Variants in KLHL28 observed in about 807,000 individuals in gnomAD.
KLHL28 encodes the protein kelch-like protein 28.
Under a neutral mutation model 48.3 loss-of-function variants are expected in KLHL28, and 22 were observed. The observed-to-expected ratio is 0.46, with a 90% CI of 0.33 to 0.65. The LOEUF (loss-of-function observed/expected upper bound fraction) is 0.65. Ranked by LOEUF, KLHL28 falls within the 30% of genes least tolerant of loss-of-function variation. The pLI is 0.03. For missense variants in KLHL28, 527 were observed against 704.3 expected, an observed-to-expected ratio of 0.75 and a Z score of 2.85; for synonymous variants, 243 against 242.4, an observed-to-expected ratio of 1.00 and a Z score of -0.02.
At chr14:44,961,294 G>T (rs1361809462) in intron 1 of KLHL28, among the ~76,000 whole-genome samples, 1 of 152,124 alleles carries the variant, frequency 6.6e-6, no homozygotes, top group South Asian at 2.1e-4. Context: ...AGGCTAGGGC[G>T]GCAGACGGAG....
At chr14:44,945,977 C>A in intron 1 of KLHL28, 49 bp from the exon 2 acceptor site, 3 of 1,418,634 alleles carry the variant, frequency 2.1e-6, no homozygotes, top group South Asian at 2.5e-5. Flanking sequence ...GTAAACTTGT[C>A]AAAAACACTG....
At chr14:44,960,986 A>T (rs11157423) in intron 1 of KLHL28, 85,901 of 1,044,992 alleles carry the variant, frequency 0.082, 7,002 homozygotes, top group African/African-American at 0.37. Flanking sequence ...CAAAAGTAAT[A>T]GTATTATTCC....
chr14:44,960,746 G>A (rs1227834543), intron 1 of KLHL28: 1 of 113,150 alleles, frequency 8.8e-6, no homozygotes, highest in Middle Eastern at 2.3e-3. Context: ...AAACAAAACT[G>A]ATATTCAAAT....
chr14:44,961,180 T>C, intron 1 of KLHL28: 2 of 314,912 alleles, frequency 6.4e-6, no homozygotes, highest in Middle Eastern at 8.7e-4. Flanking sequence ...AGAATTCTCT[T>C]AGAACCATGA....
At chr14:44,935,294 G>C (rs1281339888) in intron 2 of KLHL28, among the ~76,000 whole-genome samples, 2 of 152,124 alleles carry the variant, frequency 1.3e-5, no homozygotes, top group Admixed American at 6.5e-5. Flanking sequence ...GTCACTTTTG[G>C]GGAGGACAAG....
chr14:44,948,975 A>G lies in KLHL28; in HGVS notation c.1-3047T>C, dbSNP rs150623925. ...GATTTAACAAGGAGAATGGTAGACT[A>G]AAAAGTGAAGGATGAACAACAGAAA... On this transcript the variant is annotated intron_variant, in intron 1 of 4. Coordinates refer to ENST00000396128, the MANE Select transcript of KLHL28 (RefSeq NM_017658.5). 5.2e-3 allele frequency among the ~76,000 whole-genome samples: 796 copies of G among 152,256 alleles called. 9 individuals carry two copies. The highest frequency in any genetic ancestry group is 0.018 in the African/African-American group (738 of 41,568).
At position 44,926,925 on chromosome 14, in the gene KLHL28, G is replaced by A. The variant is rs1883393887; in HGVS notation, c.*2103C>T. The A allele has an allele frequency of 6.6e-6, 1 of 152,514 alleles. No homozygotes were observed. Among genetic ancestry groups the A allele is most frequent in the South Asian group, 2.1e-4 (1 of 4,810 alleles). The allele number at this position is 152,514 out of a possible 1,614,324, so 9.4% of individuals were successfully genotyped here. A position where few individuals can be genotyped will look rare whatever the true frequency, so the allele number is the denominator to read the frequency against. ...GCTATAAACAAAGAAAACTGAATTG[G>A]GGATTTAAAACTAAATATGTGATGA... On this transcript the variant is annotated 3_prime_UTR_variant, in exon 5 of 5. Transcript: ENST00000396128.
chr14:44,926,857 G>A lies in KLHL28; in HGVS notation c.*2171C>T, dbSNP rs1883390674. ...AAATTCCCTTATCTTTTGGGAATAG[G>A]GGATTAAAAATAGTATAATAGGATA... is the stretch of plus-strand genomic sequence containing the variant. On this transcript the variant is annotated 3_prime_UTR_variant, in exon 5 of 5. Transcript: ENST00000396128. The A allele has an allele frequency of 6.6e-6, 1 of 152,158 alleles. No homozygotes were observed. The highest frequency in any genetic ancestry group is 6.6e-5 in the Admixed American group (1 of 15,256). 9.4% of individuals were successfully genotyped at this position (152,158 alleles called of 1,614,324 possible). A position where few individuals can be genotyped will look rare whatever the true frequency, so the allele number is the denominator to read the frequency against.
intron 1 of KLHL28, chr14:44,960,811 C>A (rs1170040891): frequency 1.1e-5 from 7 of 630,514 alleles, no homozygotes; most frequent in African/African-American, 2.0e-5. Context: ...CAGCTGGGAG[C>A]ATTATTTATA....
At position 44,927,334 on chromosome 14, in the gene KLHL28, T is replaced by C. The variant is rs1250625784; in HGVS notation, c.*1694A>G. 1 of 152,614 alleles carries C rather than the reference T, an allele frequency of 6.6e-6. No homozygotes were observed. The highest frequency in any genetic ancestry group is 2.4e-5 in the African/African-American group (1 of 41,472). The allele number at this position is 152,614 out of a possible 1,614,324, so 9.5% of individuals were successfully genotyped here. ...GTATTCAAGAAATAAACATATATAC[T>C]AACAAATGAACCTATGTTTTATAAT... On this transcript the variant is annotated 3_prime_UTR_variant, in exon 5 of 5. Coordinates refer to ENST00000396128, the MANE Select transcript of KLHL28 (RefSeq NM_017658.5).
At chr14:44,943,132 A>C (rs1008209538) in intron 2 of KLHL28, among the ~76,000 whole-genome samples, 5 of 152,222 alleles carry the variant, frequency 3.3e-5, no homozygotes, top group Admixed American at 1.3e-4. Flanking sequence ...TTATTCTTCA[A>C]TAATTTGTTA....
chr14:44,941,703 T>G (rs1884103653), intron 2 of KLHL28, among the ~76,000 whole-genome samples: 1 of 152,082 alleles, frequency 6.6e-6, no homozygotes. Context: ...ATGCCAAGTT[T>G]AAGAGCCACT....
intron 2 of KLHL28, among the ~76,000 whole-genome samples, chr14:44,942,066 C>T (rs574847046): frequency 6.6e-6 from 1 of 152,322 alleles, no homozygotes; most frequent in South Asian, 2.1e-4. Flanking sequence ...GCACTCATAT[C>T]CAGCTACCAT....
intron 2 of KLHL28, among the ~76,000 whole-genome samples, chr14:44,941,520 C>T (rs1884083803): frequency 6.6e-6 from 1 of 150,544 alleles, no homozygotes; most frequent in African/African-American, 2.5e-5. Flanking sequence ...CCCAGCTACT[C>T]GGGAGGCTGA....
intron 2 of KLHL28, among the ~76,000 whole-genome samples, chr14:44,934,829 T>G (rs1180967288): frequency 6.6e-6 from 1 of 152,226 alleles, no homozygotes; most frequent in Non-Finnish European, 1.5e-5. Context: ...TGAAGATACA[T>G]GTGTCCTGAC....
At position 44,927,192 on chromosome 14, in the gene KLHL28, T is replaced by C. The variant is rs1032048828; in HGVS notation, c.*1836A>G. On this transcript the variant is annotated 3_prime_UTR_variant, in exon 5 of 5. Transcript: ENST00000396128. ...GTTTTATAATCTGTGCAAATATTCA[T>C]AAAGCATGATACTACATTTATGATT... The C allele has an allele frequency of 5.2e-5, 8 of 152,606 alleles. No homozygotes were observed. Among genetic ancestry groups the C allele is most frequent in the Non-Finnish European group, 7.4e-5 (5 of 68,010 alleles). The allele number at this position is 152,606 out of a possible 1,614,324, so 9.5% of individuals were successfully genotyped here.
intron 2 of KLHL28, among the ~76,000 whole-genome samples, chr14:44,943,944 G>A (rs543595428): frequency 6.6e-5 from 10 of 152,118 alleles, no homozygotes; most frequent in African/African-American, 2.4e-4. Flanking sequence ...TCAAACTCCA[G>A]TCTCAAGTGA....
chr14:44,949,865 A>G (rs1884500416), intron 1 of KLHL28, among the ~76,000 whole-genome samples: 4 of 152,162 alleles, frequency 2.6e-5, no homozygotes, highest in Admixed American at 2.6e-4. Context: ...CTGCATTAAC[A>G]GAACTATAAT....
intron 1 of KLHL28, among the ~76,000 whole-genome samples, chr14:44,950,470 C>T (rs1161414968): frequency 1.3e-5 from 2 of 152,170 alleles, no homozygotes; most frequent in Non-Finnish European, 2.9e-5. Flanking sequence ...CAATTCAAAA[C>T]TGGTACACCA....
Sources: gnomAD v4.1 joint callset for allele counts (sites outside exome capture counted in the v4.1 genomes callset) on GRCh38, gnomAD v4.1.1 for gene constraint, MANE v1.5 for transcripts, NCBI Gene and HGNC (gene_info 2026-07-23, HGNC 2026-07-21) for gene names.